TRIOBP: variants seen among roughly 807,000 people sequenced by gnomAD.
TRIOBP encodes TRIO and F-actin binding protein.
Under a neutral mutation model 238.8 loss-of-function variants are expected in TRIOBP, and 169 were observed. The observed-to-expected ratio is 0.71, with a 90% confidence interval of 0.62 to 0.80. The LOEUF is 0.80. Ranked by LOEUF, TRIOBP falls within the 30% of genes least tolerant of loss-of-function variation. TRIOBP has a pLI of 0.00. For synonymous variants in TRIOBP, 1,150 were observed against 1,274.4 expected, an observed-to-expected ratio of 0.90 and a Z score of 2.08; for missense variants, 2,838 against 3,122.6, an observed-to-expected ratio of 0.91 and a Z score of 2.17.
intron 17 of TRIOBP, among the ~76,000 whole-genome samples, chr22:37,763,983 A>G (rs188743276): frequency 3.3e-5 from 5 of 152,306 alleles, no homozygotes; most frequent in African/African-American, 1.2e-4. Flanking sequence ...AAGCCTGCAG[A>G]GGGGAAGTCG....
In TRIOBP at chr22:37,723,317, GCAC is replaced by G. The variant is rs1328826460; in HGVS notation, c.765_767del (p.Thr256del). 6.2e-7 allele frequency: 1 copy of G among 1,614,108 alleles called. No individual in the cohort carries two copies. The highest frequency in any genetic ancestry group is 8.5e-7 in the Non-Finnish European group (1 of 1,180,002). On this transcript the variant is annotated inframe_deletion, in exon 7 of 24. Transcript: ENST00000644935. ...ATGACACCACACAGTGGACCTCGAA[GCAC>G]CACGTCTCAGGCTTCTCCTGCCCAA...
At chr22:37,758,191 G>A (rs562200961) in intron 16 of TRIOBP, 53 bp downstream of exon 16, 2 of 1,600,372 alleles carry the variant, frequency 1.2e-6, no homozygotes, top group East Asian at 4.5e-5. Flanking sequence ...CGCCCCTCCA[G>A]TCCCTGCATT....
At chr22:37,751,681 T>TGG in intron 11 of TRIOBP, 91 bp from the exon 12 acceptor site, 1 of 1,464,300 alleles carries the variant, frequency 6.8e-7, no homozygotes, top group Admixed American at 1.7e-5. Flanking sequence ...CCACAGGACT[T>TGG]GGGGACAGGG....
At chr22:37,700,730 C>T (rs537673599) in intron 2 of TRIOBP, among the ~76,000 whole-genome samples, 9 of 152,088 alleles carry the variant, frequency 5.9e-5, no homozygotes, top group African/African-American at 2.2e-4. Flanking sequence ...CTCACTCTGT[C>T]GCCCAGGCTG....
intron 21 of TRIOBP, 112 bp from the exon 22 acceptor site, chr22:37,771,538 T>C (rs1395642365): frequency 1.1e-6 from 1 of 915,482 alleles, no homozygotes; most frequent in Non-Finnish European, 1.8e-6. Flanking sequence ...TTTGTGCAGA[T>C]AGGGGCTGCA....
At position 37,772,586 on chromosome 22, in the gene TRIOBP, C is replaced by T. The variant is rs758574477; in HGVS notation, c.6937-15C>T. On this transcript the variant is annotated splice_polypyrimidine_tract_variant and intron_variant, in intron 22 of 23. Coordinates refer to ENST00000644935, the MANE Select transcript of TRIOBP (RefSeq NM_001039141.3). ...GAGAGACTTCATGCCCTCATACCTG[C>T]CTCCTGCCCCCCAGGACAAGCGCTT... 9 of 1,613,862 alleles carry T rather than the reference C, an allele frequency of 5.6e-6. No individual in the cohort carries two copies. The highest frequency in any genetic ancestry group is 7.6e-6 in the Non-Finnish European group (9 of 1,180,016).
In TRIOBP at chr22:37,713,361, T is replaced by G; in HGVS notation, c.406T>G (p.Ser136Ala). The change falls in exon 5 of 24, where the codon TCC becomes GCC. Residue 136 changes from serine (S) to alanine (A), a missense_variant. Physicochemically the swap from Ser to Ala is moderately conservative, Grantham distance 99. Around this residue, in one of 5 missense-constraint regions of TRIOBP, gnomAD observed 535 missense variants for 537.3 expected, o/e 1.00. Transcript: ENST00000644935. The part of the protein sequence containing the change: ...CNEDPGSDPT[S>A]SPDSATPDDT... The stretch of plus-strand genomic sequence containing the variant: ...CGAGGACCCCGGCTCTGACCCCACC[T>G]CCAGCCCTGACTCCGCCACCCCTGA... The G allele has an allele frequency of 6.2e-7, 1 of 1,613,878 alleles. No homozygotes were observed. Among genetic ancestry groups the G allele is most frequent in the Non-Finnish European group, 8.5e-7 (1 of 1,179,978 alleles).
At chr22:37,720,312 C>T (rs1480337102) in intron 6 of TRIOBP, among the ~76,000 whole-genome samples, 3 of 152,062 alleles carry the variant, frequency 2.0e-5, no homozygotes, top group East Asian at 1.9e-4. Flanking sequence ...TGACCGTGCC[C>T]GGCCCACTGC....
In TRIOBP at chr22:37,734,769, G is replaced by T. The variant is rs779269850; in HGVS notation, c.4433G>T (p.Gly1478Val). 1 of 1,612,312 alleles carries T rather than the reference G, an allele frequency of 6.2e-7. No individual in the cohort carries two copies. Among genetic ancestry groups the T allele is most frequent in the East Asian group, 2.2e-5 (1 of 44,874 alleles). The change falls in exon 9 of 24, where the codon GGG becomes GTG. Residue 1478 changes from glycine (G) to valine (V), a missense_variant. Transcript: ENST00000644935. The stretch of plus-strand genomic sequence containing the variant: ...GCCAAAGCCCCGGAGGGAGCATGGG[G>T]GGGCACTTCCAGGGAGTACAAGGAG... The part of the protein sequence containing the change: ...GAAKAPEGAW[G>V]GTSREYKESW...
At chr22:37,722,660 G>T (rs2145831517) in intron 6 of TRIOBP, among the ~76,000 whole-genome samples, 1 of 151,530 alleles carries the variant, frequency 6.6e-6, no homozygotes, top group Non-Finnish European at 1.5e-5. Context: ...CTGGGAGGCG[G>T]AGGTTGCCAT....
At chr22:37,731,157 A>G (rs141007883) in intron 7 of TRIOBP, among the ~76,000 whole-genome samples, 214 of 151,796 alleles carry the variant, frequency 1.4e-3, no homozygotes, top group Non-Finnish European at 2.4e-3. Flanking sequence ...TTTTTTTTTG[A>G]GACAGGATCT....
intron 17 of TRIOBP, among the ~76,000 whole-genome samples, chr22:37,761,563 G>T (rs1926245070): frequency 6.6e-6 from 1 of 152,168 alleles, no homozygotes. Flanking sequence ...AGGGGGCTTG[G>T]GAGAGGGCCA....
At chr22:37,718,909 C>T (rs960145621) in intron 6 of TRIOBP, among the ~76,000 whole-genome samples, 1 of 135,902 alleles carries the variant, frequency 7.4e-6, no homozygotes, top group Non-Finnish European at 1.5e-5. Flanking sequence ...TGCAGTGGCG[C>T]GATCTCAGCT....
chr22:37,722,121 A>G (rs148242247), intron 6 of TRIOBP, among the ~76,000 whole-genome samples: 90 of 152,298 alleles, frequency 5.9e-4, no homozygotes, highest in African/African-American at 2.0e-3. Flanking sequence ...CTACCAGTTT[A>G]TAAAAGGTTG....
In TRIOBP at chr22:37,755,001, A is replaced by G. The variant is rs1569056234; in HGVS notation, c.5487+17A>G. 5 of 1,613,180 alleles carry G rather than the reference A, an allele frequency of 3.1e-6. No individual in the cohort carries two copies. Among genetic ancestry groups the G allele is most frequent in the Non-Finnish European group, 4.2e-6 (5 of 1,179,372 alleles). On this transcript the variant is annotated intron_variant, in intron 13 of 23. Coordinates refer to ENST00000644935, the MANE Select transcript of TRIOBP (RefSeq NM_001039141.3). ...GCTGAGGAGGTGAGGCCATGGGTGT[A>G]CTGATGAACCCCCGGAAGGGCCTGG...
chr22:37,755,479 C>T, intron 14 of TRIOBP, 71 bp from the exon 15 acceptor site: 5 of 1,412,284 alleles, frequency 3.5e-6, no homozygotes, highest in South Asian at 2.3e-5. Flanking sequence ...GCCACCCTCC[C>T]TGGGGTCCAT....
intron 9 of TRIOBP, among the ~76,000 whole-genome samples, chr22:37,736,568 C>G (rs937712379): frequency 6.6e-6 from 1 of 152,168 alleles, no homozygotes; most frequent in Non-Finnish European, 1.5e-5. Flanking sequence ...GTCACACATG[C>G]ATAGGTCGTG....
chr22:37,723,172 CTT>C lies in TRIOBP; in HGVS notation c.629-12_629-11del, dbSNP rs1569039910. On this transcript the variant is annotated splice_polypyrimidine_tract_variant and intron_variant, in intron 6 of 23. Coordinates refer to ENST00000644935, the MANE Select transcript of TRIOBP (RefSeq NM_001039141.3). ...CTCTCCCCTTACCTTGAGCCCCTCT[CTT>C]CTCTCTCCAGACACCGGCGGTGGGG... The C allele has an allele frequency of 2.5e-6, 4 of 1,613,572 alleles. No individual in the cohort carries two copies. Among genetic ancestry groups the C allele is most frequent in the Non-Finnish European group, 3.4e-6 (4 of 1,179,816 alleles).
chr22:37,730,569 C>T (rs1036475380), intron 7 of TRIOBP, among the ~76,000 whole-genome samples: 14 of 152,076 alleles, frequency 9.2e-5, no homozygotes, highest in Admixed American at 2.6e-4. Flanking sequence ...CATCGAAGCT[C>T]CTATACCCCA....
Sources: allele counts gnomAD v4.1 joint callset (sites outside exome capture counted in the v4.1 genomes callset), GRCh38; gene constraint gnomAD v4.1.1; regional missense constraint gnomAD v4.1.1; transcripts MANE v1.5; gene names NCBI Gene and HGNC (gene_info 2026-07-23, HGNC 2026-07-21).